The following SHISA9 variants were observed in gnomAD, a reference collection of about 807,000 sequenced individuals.
The protein encoded by SHISA9 is protein shisa-9.
SHISA9 carries 13 observed loss-of-function variants against 38.0 expected under a neutral mutation model. The ratio of observed to expected loss-of-function variants is 0.34; its 90% CI spans 0.22 to 0.54. SHISA9 has a LOEUF of 0.54. SHISA9 is among the 20% of genes least tolerant of loss of function. The pLI is 0.91. For synonymous variants in SHISA9, 275 were observed against 242.0 expected (o/e 1.14, Z -1.27); for missense variants, 538 against 575.8 (o/e 0.93, Z 0.67).
At chr16:12,963,424 A>G (rs528645320) in intron 2 of SHISA9, among the ~76,000 whole-genome samples, 1 of 152,336 alleles carries the variant, frequency 6.6e-6, no homozygotes, top group East Asian at 1.9e-4. Flanking sequence ...ACAGACGTAA[A>G]TAACCATAAC....
the SHISA9 span, among the ~76,000 whole-genome samples, chr16:13,268,433 T>C: frequency 3.4e-4 from 51 of 152,118 alleles, no homozygotes; most frequent in African/African-American, 1.2e-3. Flanking sequence ...CGCTTGAACC[T>C]GGGAGGCAGA....
At chr16:13,410,785 C>T in the SHISA9 span, among the ~76,000 whole-genome samples, 1 of 152,230 alleles carries the variant, frequency 6.6e-6, no homozygotes, top group African/African-American at 2.4e-5. Context: ...AAAGTAAATT[C>T]CCTTTCACTG....
intron 2 of SHISA9, among the ~76,000 whole-genome samples, chr16:13,023,877 C>G (rs1244336137): frequency 6.6e-6 from 1 of 152,110 alleles, no homozygotes; most frequent in East Asian, 1.9e-4. Context: ...ATGGTCATAT[C>G]TTTCAGAGGG....
At chr16:13,188,742 A>G (rs1239670670) in intron 2 of SHISA9, among the ~76,000 whole-genome samples, 1 of 144,126 alleles carries the variant, frequency 6.9e-6, no homozygotes, top group East Asian at 2.0e-4. Flanking sequence ...AAAAAAAGGT[A>G]TGAGGAAAAC....
intron 2 of SHISA9, among the ~76,000 whole-genome samples, chr16:12,935,367 G>C (rs1444454287): frequency 6.6e-6 from 1 of 152,144 alleles, no homozygotes; most frequent in Non-Finnish European, 1.5e-5. Flanking sequence ...TCTAGATGCT[G>C]CTGATGATAT....
At chr16:12,996,239 C>T (rs372096103) in intron 2 of SHISA9, among the ~76,000 whole-genome samples, 1 of 151,986 alleles carries the variant, frequency 6.6e-6, no homozygotes. Flanking sequence ...AATTAATTTC[C>T]AGCATTGAAA....
the SHISA9 span, among the ~76,000 whole-genome samples, chr16:13,339,808 T>G: frequency 6.6e-6 from 1 of 152,214 alleles, no homozygotes; most frequent in Admixed American, 6.5e-5. Context: ...TAGTTTTCCA[T>G]AATGTGGAGA....
chr16:13,249,597 C>T, the SHISA9 span, among the ~76,000 whole-genome samples: 1 of 152,188 alleles, frequency 6.6e-6, no homozygotes, highest in Non-Finnish European at 1.5e-5. Context: ...ACATAAATTA[C>T]AGACTCTGTT....
At chr16:13,074,090 C>T (rs554373545) in intron 2 of SHISA9, among the ~76,000 whole-genome samples, 285 of 151,988 alleles carry the variant, frequency 1.9e-3, no homozygotes, top group South Asian at 0.012. Context: ...CTGCCTCAGC[C>T]TCCCGAGTAG....
chr16:13,198,508 A>G (rs1168393818), intron 2 of SHISA9, among the ~76,000 whole-genome samples: 2 of 152,140 alleles, frequency 1.3e-5, no homozygotes, highest in Non-Finnish European at 2.9e-5. Flanking sequence ...GATCTCATTC[A>G]TGCTGCATTT....
the SHISA9 span, among the ~76,000 whole-genome samples, chr16:13,513,463 T>C: frequency 6.6e-6 from 1 of 152,126 alleles, no homozygotes; most frequent in African/African-American, 2.4e-5. Flanking sequence ...AGAAATACCA[T>C]TGACCCAGCA....
chr16:13,177,154 T>A (rs892561674), intron 2 of SHISA9, among the ~76,000 whole-genome samples: 8 of 152,186 alleles, frequency 5.3e-5, no homozygotes, highest in African/African-American at 1.9e-4. Context: ...AATCTGCACT[T>A]TGTTTGCACC....
At chr16:13,121,824 TACACACATACACACAC>T (rs1261449413) in intron 2 of SHISA9, among the ~76,000 whole-genome samples, 23 of 90,296 alleles carry the variant, frequency 2.5e-4, no homozygotes, top group African/African-American at 1.2e-3. Context: ...TAAACACCTA[TACACACATACACACAC>T]ACACACACAC....
chr16:13,059,416 C>A (rs534956324), intron 2 of SHISA9, among the ~76,000 whole-genome samples: 1 of 152,190 alleles, frequency 6.6e-6, no homozygotes, highest in Admixed American at 6.5e-5. Flanking sequence ...CGTGAGCCAC[C>A]GCACCTGGCC....
At chr16:13,379,691 G>A in the SHISA9 span, among the ~76,000 whole-genome samples, 9 of 152,058 alleles carry the variant, frequency 5.9e-5, no homozygotes, top group African/African-American at 1.4e-4. Context: ...GAATTCCTCC[G>A]CGGTGGGCAT....
the SHISA9 span, among the ~76,000 whole-genome samples, chr16:13,383,940 C>A: frequency 6.6e-6 from 1 of 152,092 alleles, no homozygotes. Flanking sequence ...CAGACGTGAG[C>A]CACCGTGCCC....
intron 2 of SHISA9, among the ~76,000 whole-genome samples, chr16:13,068,418 G>A (rs2073459558): frequency 6.6e-6 from 1 of 152,214 alleles, no homozygotes; most frequent in South Asian, 2.1e-4. Flanking sequence ...CACCCACACA[G>A]ACACCTGTTG....
At chr16:13,318,533 C>T in the SHISA9 span, among the ~76,000 whole-genome samples, 1 of 152,126 alleles carries the variant, frequency 6.6e-6, no homozygotes. Context: ...ACCATATCGG[C>T]CAGGCTGGTC....
At chr16:13,471,595 A>T in the SHISA9 span, among the ~76,000 whole-genome samples, 1 of 152,174 alleles carries the variant, frequency 6.6e-6, no homozygotes, top group African/African-American at 2.4e-5. Flanking sequence ...GCATCAATTG[A>T]GGTGGCCACA....
Sources: allele counts gnomAD v4.1 joint callset (sites outside exome capture counted in the v4.1 genomes callset), GRCh38; gene constraint gnomAD v4.1.1; transcripts MANE v1.5; gene names NCBI Gene and HGNC (gene_info 2026-07-23, HGNC 2026-07-21).